DLGAP2: variants seen among roughly 807,000 people sequenced by gnomAD.
DLGAP2 encodes the protein DLG associated protein 2.
A neutral mutation model predicts 100.3 loss-of-function variants in DLGAP2; 26 were observed. The observed-to-expected ratio is 0.26, with a 90% CI of 0.19 to 0.36. The LOEUF (loss-of-function observed/expected upper bound fraction) is 0.36. Ranked by LOEUF, DLGAP2 falls within the 10% of genes least tolerant of loss-of-function variation. DLGAP2 has a pLI of 1.00. For missense variants in DLGAP2, 1,858 were observed against 1,453.2 expected (o/e 1.28, Z -4.53); for synonymous variants, 886 against 630.1 (o/e 1.41, Z -6.08).
intron 1 of DLGAP2, among the ~76,000 whole-genome samples, chr8:760,989 A>G (rs1487208466): frequency 6.6e-6 from 1 of 152,142 alleles, no homozygotes; most frequent in Non-Finnish European, 1.5e-5. Flanking sequence ...GCTCATGGGC[A>G]TTTTGATCGG....
chr8:762,341 G>T (rs751867615), intron 1 of DLGAP2, among the ~76,000 whole-genome samples: 3 of 152,186 alleles, frequency 2.0e-5, no homozygotes, highest in Non-Finnish European at 2.9e-5. Context: ...GTTTTAAAAT[G>T]TAAATTGTAT....
chr8:1,037,506 C>T (rs1271605510), intron 2 of DLGAP2, among the ~76,000 whole-genome samples: 3 of 152,102 alleles, frequency 2.0e-5, no homozygotes, highest in Admixed American at 6.5e-5. Flanking sequence ...TTCACCTGTC[C>T]GAGGGACGGA....
At position 1,702,062 on chromosome 8, in the gene DLGAP2, G is replaced by A. The variant is rs1337317809; in HGVS notation, c.*656G>A. ...ACAGTTCTCCAGAATCCCAGGCGATGACAAGTCTGAACCCACGAAAATACC... is the reference window on the plus strand; with the variant it reads ...ACAGTTCTCCAGAATCCCAGGCGATAACAAGTCTGAACCCACGAAAATACC... On this transcript the variant is annotated 3_prime_UTR_variant, in exon 15 of 15. Coordinates refer to ENST00000637795, the MANE Select transcript of DLGAP2 (RefSeq NM_001346810.2). The A allele has an allele frequency of 6.6e-6, 1 of 152,200 alleles. No individual in the cohort carries two copies. The highest frequency in any genetic ancestry group is 2.4e-5 in the African/African-American group (1 of 41,422). The allele number at this position is 152,200 out of a possible 1,614,324, so 9.4% of individuals were successfully genotyped here.
chr8:868,875 C>A (rs1044431400), intron 1 of DLGAP2, among the ~76,000 whole-genome samples: 1 of 152,184 alleles, frequency 6.6e-6, no homozygotes, highest in South Asian at 2.1e-4. Context: ...AAGTGGGGGC[C>A]GCGCAGGTTC....
rs191355171 is a variant in DLGAP2, at chr8:1,506,459, C to G, written c.172+5028C>G. Among the ~76,000 whole-genome samples the G allele has an allele frequency of 1.6e-4, 25 of 152,270 alleles. No homozygotes were observed. The East Asian group carries it at 4.4e-3, about 27-fold the overall frequency. On this transcript the variant is annotated intron_variant, in intron 4 of 14. Coordinates refer to ENST00000637795, the MANE Select transcript of DLGAP2 (RefSeq NM_001346810.2). ...TTCTTCCTTCTGGTCGGTTTGTGGTCTCAATGGCCTCAGGAGTGAAGCTGC... is the reference window on the plus strand; with the variant it reads ...TTCTTCCTTCTGGTCGGTTTGTGGTGTCAATGGCCTCAGGAGTGAAGCTGC...
intron 1 of DLGAP2, among the ~76,000 whole-genome samples, chr8:839,182 TA>T (rs926746659): frequency 3.9e-5 from 6 of 152,002 alleles, no homozygotes; most frequent in South Asian, 4.2e-4. Flanking sequence ...TGCAGGTTCC[TA>T]AAAAAAATAG....
chr8:1,437,728 G>C (rs1408370754), intron 3 of DLGAP2, among the ~76,000 whole-genome samples: 2 of 150,610 alleles, frequency 1.3e-5, no homozygotes, highest in Non-Finnish European at 2.9e-5. Context: ...AGCACTTTGG[G>C]AGGCGAAGGC....
intron 2 of DLGAP2, among the ~76,000 whole-genome samples, chr8:1,116,682 G>A (rs978583261): frequency 2.0e-5 from 3 of 152,110 alleles, no homozygotes; most frequent in Admixed American, 6.6e-5. Context: ...TGTAGTCCCA[G>A]CTAACTCAGG....
intron 1 of DLGAP2, among the ~76,000 whole-genome samples, chr8:859,587 C>G (rs1000054813): frequency 2.0e-5 from 3 of 152,168 alleles, no homozygotes; most frequent in African/African-American, 7.2e-5. Flanking sequence ...CCCAAACCTG[C>G]TGGGGGAGGC....
chr8:1,175,066 C>T (rs1179159031), intron 2 of DLGAP2, among the ~76,000 whole-genome samples: 2 of 152,166 alleles, frequency 1.3e-5, no homozygotes, highest in Non-Finnish European at 2.9e-5. Flanking sequence ...TTTAGTTTTC[C>T]AATAAAATTA....
At chr8:864,206 A>T (rs761460874) in intron 1 of DLGAP2, among the ~76,000 whole-genome samples, 5 of 152,128 alleles carry the variant, frequency 3.3e-5, no homozygotes, top group Non-Finnish European at 7.4e-5. Context: ...GAGGACAGGG[A>T]TGCAGGAAAT....
At chr8:1,190,601 G>A (rs1035366464) in intron 2 of DLGAP2, among the ~76,000 whole-genome samples, 1 of 152,212 alleles carries the variant, frequency 6.6e-6, no homozygotes, top group Non-Finnish European at 1.5e-5. Context: ...TCAGCATTGA[G>A]AGCCAAAACA....
chr8:923,413 G>C (rs1490528658), intron 2 of DLGAP2, among the ~76,000 whole-genome samples: 1 of 152,252 alleles, frequency 6.6e-6, no homozygotes. Flanking sequence ...ACGAGGGCAT[G>C]GGTGTGAGTG....
chr8:1,007,180 G>C (rs993823864), intron 2 of DLGAP2, among the ~76,000 whole-genome samples: 8 of 152,174 alleles, frequency 5.3e-5, no homozygotes, highest in African/African-American at 1.9e-4. Context: ...CTCGGGATGT[G>C]GTCCTTTATC....
At chr8:1,505,473 G>C (rs1000779211) in intron 4 of DLGAP2, among the ~76,000 whole-genome samples, 4 of 152,214 alleles carry the variant, frequency 2.6e-5, no homozygotes, top group East Asian at 1.9e-4. Context: ...ATTAGTGCCA[G>C]ATGAATTAAT....
At chr8:742,213 T>G (rs886088533) in intron 1 of DLGAP2, among the ~76,000 whole-genome samples, 2 of 152,224 alleles carry the variant, frequency 1.3e-5, no homozygotes, top group Non-Finnish European at 2.9e-5. Flanking sequence ...TCGGGTACTG[T>G]TTCTTATATG....
intron 3 of DLGAP2, among the ~76,000 whole-genome samples, chr8:1,331,765 C>T (rs560326456): frequency 6.6e-6 from 1 of 152,284 alleles, no homozygotes; most frequent in Non-Finnish European, 1.5e-5. Context: ...CTGGGCACAC[C>T]TTCTCTCATA....
intron 2 of DLGAP2, among the ~76,000 whole-genome samples, chr8:1,146,665 G>T (rs527659778): frequency 6.6e-6 from 1 of 152,130 alleles, no homozygotes; most frequent in Non-Finnish European, 1.5e-5. Context: ...GCACGTGTGT[G>T]TGCATGTGTG....
chr8:910,353 T>C (rs1370541138), intron 2 of DLGAP2: 1 of 152,278 alleles, frequency 6.6e-6, no homozygotes, highest in Non-Finnish European at 1.5e-5. Flanking sequence ...TATCGTTTTC[T>C]CTTGCAATTT....
Sources: allele counts gnomAD v4.1 joint callset (sites outside exome capture counted in the v4.1 genomes callset), GRCh38; gene constraint gnomAD v4.1.1; transcripts MANE v1.5; gene names NCBI Gene and HGNC (gene_info 2026-07-23, HGNC 2026-07-21).